FOXN1: variants seen among roughly 807,000 people sequenced by gnomAD.
FOXN1 encodes the protein forkhead box protein N1.
FOXN1 carries 15 observed loss-of-function variants against 49.0 expected under a neutral mutation model. The observed-to-expected ratio is 0.31, with a 90% CI of 0.20 to 0.47. The LOEUF (loss-of-function observed/expected upper bound fraction) is 0.47. Among genes scored for constraint, FOXN1 ranks in the 20% least tolerant of loss-of-function variants. The pLI, the probability that FOXN1 is intolerant of heterozygous loss-of-function variation, is 1.00. For synonymous variants in FOXN1, 356 were observed against 369.0 expected (o/e 0.96, Z 0.40); for missense variants, 800 against 842.8 (o/e 0.95, Z 0.63).
chr17:28,535,160 A>G lies in FOXN1; in HGVS notation c.1589A>G (p.Asp530Gly), dbSNP rs2070030572. 1 of 1,613,356 alleles carries G rather than the reference A, an allele frequency of 6.2e-7. No individual in the cohort carries two copies. The highest frequency in any genetic ancestry group is 8.5e-7 in the Non-Finnish European group (1 of 1,179,844). The change falls in exon 8 of 9, where the codon GAT becomes GGT. Residue 530 changes from aspartate to glycine, a missense_variant. Physicochemically the swap from Asp to Gly is moderately conservative, Grantham distance 94. This residue lies in a region of FOXN1 where 344 missense variants were observed against 366.1 expected (regional missense o/e 0.94). Transcript: ENST00000579795. ...LPDGDLGTDL[D>G]AINPSLTDFD... ...GATGGAGACCTTGGCACTGACCTGG[A>G]TGCCATCAATCCCTCACTCACTGAC...
intron 4 of FOXN1, among the ~76,000 whole-genome samples, chr17:28,528,150 G>T (rs1400847901): frequency 4.6e-5 from 7 of 152,214 alleles, no homozygotes; most frequent in South Asian, 4.1e-4. Flanking sequence ...GCCAAGCCAG[G>T]GAGGAAGGCA....
At chr17:28,528,987 A>C in intron 4 of FOXN1, 107 bp from the exon 5 acceptor site, 6 of 1,438,228 alleles carry the variant, frequency 4.2e-6, no homozygotes, top group African/African-American at 1.4e-5. Context: ...CCAGGAGGGA[A>C]GAATCTGGCC....
At chr17:28,523,732 G>T (rs909355289) in intron 1 of FOXN1, among the ~76,000 whole-genome samples, 1 of 151,902 alleles carries the variant, frequency 6.6e-6, no homozygotes, top group African/African-American at 2.4e-5. Flanking sequence ...TCTCCACAGG[G>T]GTCTGATCTC....
rs2070120351 is a variant in FOXN1 at position 28,538,281 on chromosome 17, A to T, written c.*845A>T. The T allele has an allele frequency of 6.6e-6, 1 of 152,118 alleles. No homozygotes were observed. Among genetic ancestry groups the T allele is most frequent in the Non-Finnish European group, 1.5e-5 (1 of 68,038 alleles). 9.4% of individuals were successfully genotyped at this position (152,118 alleles called of 1,614,324 possible). The stretch of plus-strand genomic sequence containing the variant: ...GTGCAGGAAGGGCCCCCTCCAGGTC[A>T]CCACAATCTCACTCCTCCTCCAGAA... On this transcript the variant is annotated 3_prime_UTR_variant, in exon 9 of 9. Coordinates refer to ENST00000579795, the MANE Select transcript of FOXN1 (RefSeq NM_001369369.1).
intron 3 of FOXN1, 83 bp downstream of exon 3, chr17:28,525,050 C>A: frequency 9.3e-7 from 1 of 1,071,036 alleles, no homozygotes. Context: ...CCTCTGAGAC[C>A]AAAGTCCCAC....
intron 1 of FOXN1, among the ~76,000 whole-genome samples, chr17:28,517,517 C>T (rs1184338012): frequency 6.6e-6 from 1 of 151,238 alleles, no homozygotes; most frequent in Non-Finnish European, 1.5e-5. Flanking sequence ...TACACACCTC[C>T]ACAGGGTACA....
At chr17:28,509,505 C>CCCGCCAGGTTCTGGGGTGT (rs1265255799) in intron 1 of FOXN1, among the ~76,000 whole-genome samples, 2 of 152,252 alleles carry the variant, frequency 1.3e-5, no homozygotes, top group Non-Finnish European at 2.9e-5. Flanking sequence ...CACCAGCATC[C>CCCGCCAGGTTCTGGGGTGT]CCGCCAGGTT....
chr17:28,508,759 T>G (rs1471739156), intron 1 of FOXN1, among the ~76,000 whole-genome samples: 6 of 152,118 alleles, frequency 3.9e-5, no homozygotes, highest in African/African-American at 1.4e-4. Context: ...TGCGGTCCAC[T>G]TCTGCCTGCC....
At chr17:28,514,636 C>CCCGG (rs956512200) in intron 1 of FOXN1, among the ~76,000 whole-genome samples, 2 of 152,126 alleles carry the variant, frequency 1.3e-5, no homozygotes, top group Non-Finnish European at 2.9e-5. Flanking sequence ...CAGGCCAGCA[C>CCCGG]CCGGCCGGCC....
At chr17:28,523,246 G>T (rs1246152524) in intron 1 of FOXN1, among the ~76,000 whole-genome samples, 3 of 152,382 alleles carry the variant, frequency 2.0e-5, no homozygotes, top group Non-Finnish European at 4.4e-5. Flanking sequence ...ACAGGTTAGA[G>T]TTTGGAGGAC....
chr17:28,529,025 T>C (rs2069841245), intron 4 of FOXN1, 69 bp from the exon 5 acceptor site: 1 of 1,595,832 alleles, frequency 6.3e-7, no homozygotes, highest in Non-Finnish European at 8.6e-7. Context: ...TGTATATAAA[T>C]GGGGAGGAGG....
chr17:28,513,675 CG>C (rs2151476621), intron 1 of FOXN1, among the ~76,000 whole-genome samples: 1 of 152,332 alleles, frequency 6.6e-6, no homozygotes, highest in African/African-American at 2.4e-5. Flanking sequence ...GGCAGGGGGC[CG>C]GTCCAGGCAT....
chr17:28,526,030 C>A (rs2069758611), intron 3 of FOXN1, among the ~76,000 whole-genome samples: 1 of 152,178 alleles, frequency 6.6e-6, no homozygotes, highest in South Asian at 2.1e-4. Flanking sequence ...TCCCACCATA[C>A]CCGTGTTGCA....
At chr17:28,521,239 C>A (rs2069634362) in intron 1 of FOXN1, among the ~76,000 whole-genome samples, 1 of 152,222 alleles carries the variant, frequency 6.6e-6, no homozygotes, top group Non-Finnish European at 1.5e-5. Flanking sequence ...GGGCTTGACT[C>A]CAAATCCTTG....
intron 2 of FOXN1, 26 bp downstream of exon 2, chr17:28,524,118 G>A (rs1230641067): frequency 6.4e-7 from 1 of 1,567,812 alleles, no homozygotes; most frequent in Non-Finnish European, 8.6e-7. Context: ...CTGGGCCTGG[G>A]TTTAGGCCAA....
rs370079952 is a variant in FOXN1, at chr17:28,534,902, T to C, written c.1331T>C (p.Met444Thr). ...AAGAACCCCCTGCAGGACCTACTTA[T>C]GGGGCACACACCCTCCTGCTATGGG... ...PGKNPLQDLL[M>T]GHTPSCYGQT... is the part of the protein sequence containing the mutation. Residue 444 changes from methionine (M) to threonine (T), a missense_variant, in exon 8 of 9, where the codon ATG becomes ACG. By Grantham distance (81) the Met-to-Thr change is moderately conservative. This residue lies in a region of FOXN1 where 344 missense variants were observed against 366.1 expected (regional missense o/e 0.94). Coordinates refer to ENST00000579795, the MANE Select transcript of FOXN1 (RefSeq NM_001369369.1). This position sits in a 1 kb window ranked among gnomAD's most constrained non-coding sequence, Gnocchi z 4.1. 6.2e-6 allele frequency: 10 copies of C among 1,614,084 alleles called. No individual in the cohort carries two copies. The South Asian group carries it at 8.8e-5, about 14-fold the overall frequency.
At chr17:28,522,819 CAGAG>C (rs2069667877) in intron 1 of FOXN1, among the ~76,000 whole-genome samples, 2 of 149,400 alleles carry the variant, frequency 1.3e-5, no homozygotes, top group Non-Finnish European at 3.0e-5. Flanking sequence ...GCCTGGGTGA[CAGAG>C]AGAGACTCCA....
intron 3 of FOXN1, among the ~76,000 whole-genome samples, chr17:28,526,509 G>A (rs1465539039): frequency 6.6e-6 from 1 of 152,190 alleles, no homozygotes; most frequent in Admixed American, 6.5e-5. Flanking sequence ...CTAGGCCCTG[G>A]GACTCTGTGC....
chr17:28,510,951 C>G (rs185234873), intron 1 of FOXN1, among the ~76,000 whole-genome samples: 1 of 152,188 alleles, frequency 6.6e-6, no homozygotes, highest in Admixed American at 6.5e-5. Flanking sequence ...TGGATGGGCT[C>G]AGGAAAATGC....
Sources: allele counts gnomAD v4.1 joint callset (sites outside exome capture counted in the v4.1 genomes callset), GRCh38; gene constraint gnomAD v4.1.1; regional missense constraint gnomAD v4.1.1; non-coding constraint Gnocchi (gnomAD v3.1); transcripts MANE v1.5; gene names NCBI Gene and HGNC (gene_info 2026-07-23, HGNC 2026-07-21).